DOCK3: variants seen among roughly 807,000 people sequenced by gnomAD.
The protein encoded by DOCK3 is dedicator of cytokinesis protein 3.
In DOCK3, 60 loss-of-function variants were observed where a neutral mutation model predicts 265.6. That is an observed-to-expected ratio of 0.23 (90% CI 0.18 to 0.28). The LOEUF (loss-of-function observed/expected upper bound fraction) is 0.28. Ranked by LOEUF, DOCK3 falls within the 10% of genes least tolerant of loss-of-function variation. The pLI is 1.00. For missense variants in DOCK3, 1,981 were observed against 2,594.3 expected, an observed-to-expected ratio of 0.76 and a Z score of 5.14; for synonymous variants, 881 against 938.0, an observed-to-expected ratio of 0.94 and a Z score of 1.11.
At chr3:50,973,575 T>G (rs200226592) in intron 5 of DOCK3, among the ~76,000 whole-genome samples, 3 of 146,914 alleles carry the variant, frequency 2.0e-5, no homozygotes, top group Non-Finnish European at 4.5e-5. Flanking sequence ...TCTTTGCTAT[T>G]GTGAATAGTG....
At chr3:50,748,199 G>A (rs2039573925) in intron 1 of DOCK3, among the ~76,000 whole-genome samples, 1 of 152,152 alleles carries the variant, frequency 6.6e-6, no homozygotes, top group Non-Finnish European at 1.5e-5. Flanking sequence ...TAGAGATGGG[G>A]TCTTGCTATG....
Position 51,277,642 on chromosome 3 carries a change from T to C in DOCK3, c.2711T>C (p.Val904Ala), listed in dbSNP as rs779423518. 3.8e-6 allele frequency: 6 copies of C among 1,577,410 alleles called. No homozygotes were observed. The Admixed American group carries it at 1.1e-4, about 28-fold the overall frequency. Residue 904 changes from valine (V) to alanine (A), a missense_variant, in exon 26 of 53, where the codon GTG becomes GCG. By Grantham distance (64) the Val-to-Ala change is moderately conservative. Around this residue, in one of 4 missense-constraint regions of DOCK3, gnomAD observed 1,357 missense variants for 1,866.8 expected, o/e 0.73. Coordinates refer to ENST00000266037, the MANE Select transcript of DOCK3 (RefSeq NM_004947.5). ...ADVMEEVEMM[V>A]ESLLDVLLQT... is the part of the protein sequence containing the mutation. ...GTCATGGAGGAAGTAGAGATGATGG[T>C]GGAGAGCCTCCTGGACGTGCTCTTG... is the stretch of plus-strand genomic sequence containing the variant.
chr3:51,272,246 T>G (rs1386492401), intron 24 of DOCK3, among the ~76,000 whole-genome samples: 3 of 151,334 alleles, frequency 2.0e-5, no homozygotes, highest in Non-Finnish European at 1.5e-5. Flanking sequence ...ATTAGAATTT[T>G]TATAATTTTT....
At chr3:51,156,717 A>G (rs2085869653) in intron 10 of DOCK3, among the ~76,000 whole-genome samples, 1 of 152,150 alleles carries the variant, frequency 6.6e-6, no homozygotes, top group Admixed American at 6.5e-5. Context: ...AAGAGCCCCT[A>G]CTCAGCCACT....
chr3:50,877,650 TTTTTCTTTTCTTTTC>T (rs141046408), intron 3 of DOCK3: 78 of 389,338 alleles, frequency 2.0e-4, no homozygotes, highest in East Asian at 7.0e-4. Flanking sequence ...TGGCAGCCAC[TTTTTCTTTTCTTTTC>T]TTTTCTTTTC....
intron 9 of DOCK3, among the ~76,000 whole-genome samples, chr3:51,114,283 C>T (rs1247301375): frequency 3.3e-5 from 5 of 152,118 alleles, no homozygotes; most frequent in African/African-American, 9.7e-5. Flanking sequence ...GAAGACCTAG[C>T]TAAGTAGACT....
At chr3:50,828,165 T>C (rs1055590646) in intron 2 of DOCK3, among the ~76,000 whole-genome samples, 7 of 151,880 alleles carry the variant, frequency 4.6e-5, no homozygotes, top group Non-Finnish European at 8.8e-5. Flanking sequence ...CGGACCTCAA[T>C]TGATCCACCC....
chr3:50,787,602 C>T (rs1396201901), intron 2 of DOCK3: 1 of 1,164,364 alleles, frequency 8.6e-7, no homozygotes, highest in Non-Finnish European at 1.2e-6. Context: ...GTGCTTCAGG[C>T]TCCTTTGTTT....
intron 23 of DOCK3, among the ~76,000 whole-genome samples, chr3:51,268,453 A>T (rs1248872757): frequency 1.3e-5 from 2 of 152,218 alleles, no homozygotes; most frequent in African/African-American, 4.8e-5. Flanking sequence ...TGAATGTCAG[A>T]ATTTTTATGT....
chr3:50,721,571 A>G (rs2037476044), intron 1 of DOCK3, among the ~76,000 whole-genome samples: 2 of 151,820 alleles, frequency 1.3e-5, no homozygotes. Flanking sequence ...TACCAGTATC[A>G]TGCTCTTTTG....
chr3:51,128,549 C>T (rs1163215552), intron 9 of DOCK3, among the ~76,000 whole-genome samples: 3 of 152,128 alleles, frequency 2.0e-5, no homozygotes, highest in African/African-American at 7.2e-5. Flanking sequence ...TGAGGCATTC[C>T]GTGAGTCCAT....
At chr3:50,742,342 C>T (rs539577155) in intron 1 of DOCK3, among the ~76,000 whole-genome samples, 6 of 152,204 alleles carry the variant, frequency 3.9e-5, no homozygotes, top group South Asian at 2.1e-4. Flanking sequence ...CAAAGCTGGA[C>T]GGAGAGTGAC....
chr3:50,804,653 C>T (rs766810718), intron 2 of DOCK3, among the ~76,000 whole-genome samples: 10 of 151,976 alleles, frequency 6.6e-5, no homozygotes, highest in Non-Finnish European at 1.3e-4. Context: ...GCAGGAGAAT[C>T]AGGCAGGGAG....
At chr3:50,928,503 A>T (rs1422029074) in intron 4 of DOCK3, among the ~76,000 whole-genome samples, 1 of 152,226 alleles carries the variant, frequency 6.6e-6, no homozygotes, top group Non-Finnish European at 1.5e-5. Flanking sequence ...GTTGAATAAT[A>T]TTCCATTGCA....
In DOCK3 at chr3:51,383,039, G is replaced by GC. The variant is rs1483371664; in HGVS notation, c.*1485dup. On this transcript the variant is annotated 3_prime_UTR_variant, in exon 53 of 53. Coordinates refer to ENST00000266037, the MANE Select transcript of DOCK3 (RefSeq NM_004947.5). ...GGCTGCCTTGTTGGGCAGGCGTATTGCCCCCAGTTCCTCTTCTGCTGGCCT... is the reference window on the plus strand; with the variant it reads ...GGCTGCCTTGTTGGGCAGGCGTATTGCCCCCCAGTTCCTCTTCTGCTGGCCT... 6.6e-6 allele frequency: 1 copy of GC among 152,070 alleles called. No individual in the cohort carries two copies. Among genetic ancestry groups the GC allele is most frequent in the East Asian group, 1.9e-4 (1 of 5,188 alleles). 9.4% of individuals were successfully genotyped at this position (152,070 alleles called of 1,614,324 possible).
chr3:51,154,965 A>C (rs1450645187), intron 10 of DOCK3, among the ~76,000 whole-genome samples: 1 of 151,892 alleles, frequency 6.6e-6, no homozygotes, highest in Admixed American at 6.6e-5. Context: ...TGCAGCCCTG[A>C]ATTTATTTAT....
intron 2 of DOCK3, chr3:50,787,739 T>G: frequency 8.3e-7 from 1 of 1,205,190 alleles, no homozygotes; most frequent in Non-Finnish European, 1.2e-6. Context: ...ACGCTGACTT[T>G]CTCTGTTATC....
At chr3:51,320,202 C>T (rs925727570) in intron 32 of DOCK3, among the ~76,000 whole-genome samples, 1 of 152,102 alleles carries the variant, frequency 6.6e-6, no homozygotes, top group Non-Finnish European at 1.5e-5. Flanking sequence ...TCACCTCTCC[C>T]GGGAAGCACA....
chr3:51,126,766 C>CT (rs1285658624), intron 9 of DOCK3, among the ~76,000 whole-genome samples: 1 of 152,072 alleles, frequency 6.6e-6, no homozygotes, highest in East Asian at 1.9e-4. Context: ...TACGTGATTT[C>CT]TTTTTTTAAC....
Sources: allele counts gnomAD v4.1 joint callset (sites outside exome capture counted in the v4.1 genomes callset), GRCh38; gene constraint gnomAD v4.1.1; regional missense constraint gnomAD v4.1.1; transcripts MANE v1.5; gene names NCBI Gene and HGNC (gene_info 2026-07-23, HGNC 2026-07-21).